The following TRMT44 variants were observed in gnomAD, a reference collection of about 807,000 sequenced individuals.
TRMT44 encodes the protein tRNA methyltransferase 44 homolog.
A neutral mutation model predicts 77.3 loss-of-function variants in TRMT44; 78 were observed. That is an observed-to-expected ratio of 1.01 (90% CI 0.84 to 1.22). The LOEUF (loss-of-function observed/expected upper bound fraction) is 1.22, where lower values mean the gene tolerates loss of function less well. Among genes scored for constraint, TRMT44 ranks in the 50% most tolerant of loss-of-function variants. The pLI is 0.00. For missense variants in TRMT44, 1,090 were observed against 964.4 expected, an observed-to-expected ratio of 1.13 and a Z score of -1.73; for synonymous variants, 391 against 383.3, an observed-to-expected ratio of 1.02 and a Z score of -0.23.
chr4:8,502,875 C>T, the TRMT44 span, among the ~76,000 whole-genome samples: 1 of 152,242 alleles, frequency 6.6e-6, no homozygotes, highest in Non-Finnish European at 1.5e-5. Context: ...GGAACATGGG[C>T]CACTACAGGG....
In TRMT44 at chr4:8,444,815, T is replaced by G. The variant is rs945915294; in HGVS notation, c.620-1661T>G. 1.3e-5 allele frequency among the ~76,000 whole-genome samples: 2 copies of G among 152,282 alleles called. No individual in the cohort carries two copies. Among genetic ancestry groups the G allele is most frequent in the African/African-American group, 2.4e-5 (1 of 41,480 alleles). On this transcript the variant is annotated intron_variant, in intron 1 of 10. Coordinates refer to ENST00000389737, the MANE Select transcript of TRMT44 (RefSeq NM_152544.3). The surrounding 1 kb of genome is among the most constrained non-coding windows in gnomAD (Gnocchi z 4.0). ...CATGATGTGATTAGTTCACATTGCA[T>G]GCCTGGATCAAAACATTTCATGTAC...
At chr4:8,515,610 A>T in the TRMT44 span, among the ~76,000 whole-genome samples, 2,051 of 152,124 alleles carry the variant, frequency 0.013, 49 homozygotes, top group African/African-American at 0.046. Context: ...TTTCAGGGGG[A>T]TATGACCCCT....
chr4:8,444,228 A>G lies in TRMT44; in HGVS notation c.620-2248A>G, dbSNP rs529626621. 4.6e-5 allele frequency among the ~76,000 whole-genome samples: 7 copies of G among 151,334 alleles called. No homozygotes were observed. Among genetic ancestry groups the G allele is most frequent in the African/African-American group, 1.4e-4 (6 of 41,402 alleles). On this transcript the variant is annotated intron_variant, in intron 1 of 10. Coordinates refer to ENST00000389737, the MANE Select transcript of TRMT44 (RefSeq NM_152544.3). The surrounding 1 kb of genome is among the most constrained non-coding windows in gnomAD (Gnocchi z 4.0). ...TTTATGGGGTTTAAAAATCAAAACA[A>G]TGGAACTCGTGGACATAGAGAGTGG...
chr4:8,458,617 G>A (rs1032858878), intron 6 of TRMT44, among the ~76,000 whole-genome samples: 16 of 151,632 alleles, frequency 1.1e-4, no homozygotes, highest in Non-Finnish European at 2.2e-4. Flanking sequence ...ATCATGCCCA[G>A]CTATTTTTTG....
chr4:8,456,093 T>G (rs561825147), intron 6 of TRMT44, among the ~76,000 whole-genome samples: 35 of 152,342 alleles, frequency 2.3e-4, no homozygotes, highest in African/African-American at 8.4e-4. Flanking sequence ...TGTCATTCTC[T>G]GTCAAGAGAA....
At chr4:8,494,421 C>G (rs905315534), downstream of TRMT44, among the ~76,000 whole-genome samples, 2 of 152,166 alleles carry the variant, frequency 1.3e-5, no homozygotes, top group African/African-American at 4.8e-5. Context: ...TTCCTGTGCC[C>G]TACGTTTGTT....
rs1249279208 is a variant in TRMT44 at position 8,451,874 on chromosome 4, T to G, written c.955-86T>G. 8.1e-7 allele frequency: 1 copy of G among 1,240,160 alleles called. No homozygotes were observed. The highest frequency in any genetic ancestry group is 2.6e-5 in the East Asian group (1 of 39,168). 76.8% of individuals were successfully genotyped at this position (1,240,160 alleles called of 1,614,324 possible). A position where few individuals can be genotyped will look rare whatever the true frequency, so the allele number is the denominator to read the frequency against. ...TTAGTGTACGATTAGTCCAGTTTGA[T>G]TTATGCTTTATAGGGATACTTAAAG... On this transcript the variant is annotated intron_variant, in intron 3 of 10. Coordinates refer to ENST00000389737, the MANE Select transcript of TRMT44 (RefSeq NM_152544.3). The surrounding 1 kb of genome is among the most constrained non-coding windows in gnomAD (Gnocchi z 4.1).
chr4:8,512,977 A>G, the TRMT44 span, among the ~76,000 whole-genome samples: 1 of 152,206 alleles, frequency 6.6e-6, no homozygotes, highest in Non-Finnish European at 1.5e-5. Flanking sequence ...CAGTGCCACA[A>G]TCTCAGCTCA....
chr4:8,489,150 G>T (rs1440540034), intron 2 of TRMT44, among the ~76,000 whole-genome samples: 1 of 152,246 alleles, frequency 6.6e-6, no homozygotes, highest in African/African-American at 2.4e-5. Context: ...GGCTCCTGCA[G>T]TGCCCTGGCC....
downstream of TRMT44, among the ~76,000 whole-genome samples, chr4:8,497,921 G>T (rs140545563): frequency 6.6e-6 from 1 of 152,138 alleles, no homozygotes; most frequent in Non-Finnish European, 1.5e-5. Flanking sequence ...TGGGGCTGGC[G>T]TGGGGGGGGC....
rs780728114 is a variant in TRMT44, at chr4:8,449,872, A to G, written c.938A>G (p.Tyr313Cys). The G allele has an allele frequency of 2.6e-6, 4 of 1,524,210 alleles. No homozygotes were observed. In the South Asian group the frequency reaches 4.8e-5, roughly 18 times the overall value. 94.4% of individuals were successfully genotyped at this position (1,524,210 alleles called of 1,614,324 possible). A position where few individuals can be genotyped will look rare whatever the true frequency, so the allele number is the denominator to read the frequency against. Reference protein sequence around the residue: ...SKAYQELKEKYKEMVKVWPEV... With the variant: ...SKAYQELKEKCKEMVKVWPEV... ...GCTTACCAGGAACTTAAAGAGAAGTATAAGGAAATGGTTAAGGTAATTCTG... is the reference window on the plus strand; with the variant it reads ...GCTTACCAGGAACTTAAAGAGAAGTGTAAGGAAATGGTTAAGGTAATTCTG... The change falls in exon 3 of 11, where the codon TAT (tyrosine) becomes TGT (cysteine). Residue 313 changes from tyrosine to cysteine, a missense_variant. By Grantham distance (194) the Tyr-to-Cys change is radical (BLOSUM62 -2). Transcript: ENST00000389737.
downstream of TRMT44, chr4:8,479,624 A>G (rs1301656741): frequency 2.0e-5 from 3 of 152,178 alleles, no homozygotes; most frequent in African/African-American, 7.2e-5. Flanking sequence ...CACATGCTTC[A>G]GCTGATTGGG....
chr4:8,472,380 T>C (rs148529588), intron 10 of TRMT44, among the ~76,000 whole-genome samples: 205 of 152,326 alleles, frequency 1.3e-3, no homozygotes, highest in Middle Eastern at 6.8e-3. Context: ...ACTGGGCCTC[T>C]GATGGGTAGG....
At chr4:8,467,626 G>C (rs904115049) in intron 8 of TRMT44, among the ~76,000 whole-genome samples, 2 of 152,172 alleles carry the variant, frequency 1.3e-5, no homozygotes, top group African/African-American at 4.8e-5. Context: ...GACTACAGGT[G>C]AGGGCCACCA....
chr4:8,495,946 C>T (rs902678090), downstream of TRMT44, among the ~76,000 whole-genome samples: 2 of 152,226 alleles, frequency 1.3e-5, no homozygotes, highest in Non-Finnish European at 2.9e-5. Context: ...GGGGCCTATT[C>T]ATTCTGATTG....
the TRMT44 span, among the ~76,000 whole-genome samples, chr4:8,505,817 G>T: frequency 3.3e-5 from 5 of 152,176 alleles, no homozygotes; most frequent in African/African-American, 1.2e-4. Context: ...CCCCCATGCT[G>T]TTCTGGTGAT....
chr4:8,472,066 T>C (rs1727043186), intron 10 of TRMT44, among the ~76,000 whole-genome samples: 1 of 151,844 alleles, frequency 6.6e-6, no homozygotes, highest in Non-Finnish European at 1.5e-5. Context: ...CTAGCTAGCA[T>C]GCTATTTCAC....
the TRMT44 span, among the ~76,000 whole-genome samples, chr4:8,513,872 G>T: frequency 1.3e-5 from 2 of 152,178 alleles, no homozygotes; most frequent in African/African-American, 2.4e-5. Context: ...AACCCTCCCG[G>T]CAGATACCTG....
chr4:8,469,441 C>T lies in TRMT44; in HGVS notation c.1927+1095C>T, dbSNP rs115066404. ...ACCACAGGCAACTGGGACCCAGAGC[C>T]CCAGGGACATCAGTGTGGTCTGAAA... On this transcript the variant is annotated intron_variant, in intron 9 of 10. Transcript: ENST00000389737. Among the ~76,000 whole-genome samples, 787 of 152,298 alleles carry T rather than the reference C, an allele frequency of 5.2e-3. 11 individuals are homozygous for T. The highest frequency in any genetic ancestry group is 0.018 in the African/African-American group (751 of 41,560).
Sources: allele counts gnomAD v4.1 joint callset (sites outside exome capture counted in the v4.1 genomes callset), GRCh38; gene constraint gnomAD v4.1.1; non-coding constraint Gnocchi (gnomAD v3.1); transcripts MANE v1.5; gene names NCBI Gene and HGNC (gene_info 2026-07-23, HGNC 2026-07-21).